Variants in CNTN5 observed in about 807,000 individuals in gnomAD.
CNTN5 encodes contactin-5.
Under a neutral mutation model 129.1 loss-of-function variants are expected in CNTN5, and 77 were observed. The ratio of observed to expected loss-of-function variants is 0.60; its 90% confidence interval spans 0.50 to 0.72. CNTN5 has a LOEUF of 0.72. Ranked by LOEUF, CNTN5 falls within the 30% of genes least tolerant of loss-of-function variation. The probability of loss-of-function intolerance (pLI) is 0.00; values close to 1 mark genes in which losing one functional copy is unlikely to be tolerated. For synonymous variants in CNTN5, 509 were observed against 465.6 expected (o/e 1.09, Z -1.20); for missense variants, 1,478 against 1,328.8 (o/e 1.11, Z -1.75).
chr11:99,308,385 C>A (rs892786844), intron 1 of CNTN5, among the ~76,000 whole-genome samples: 1 of 152,104 alleles, frequency 6.6e-6, no homozygotes, highest in African/African-American at 2.4e-5. Context: ...GAAGGGCTAA[C>A]TTTGCTATGG....
intron 3 of CNTN5, among the ~76,000 whole-genome samples, chr11:99,725,591 G>C (rs1943310282): frequency 6.6e-6 from 1 of 152,132 alleles, no homozygotes; most frequent in Non-Finnish European, 1.5e-5. Flanking sequence ...GAAGAATGAA[G>C]AAAGGAATAT....
chr11:100,080,428 C>T (rs866206589), intron 13 of CNTN5, among the ~76,000 whole-genome samples: 4 of 152,164 alleles, frequency 2.6e-5, no homozygotes, highest in South Asian at 2.1e-4. Flanking sequence ...TAGAAAATTG[C>T]ACTAGAAATA....
chr11:99,949,677 T>A (rs1950629871), intron 7 of CNTN5, among the ~76,000 whole-genome samples: 1 of 152,142 alleles, frequency 6.6e-6, no homozygotes, highest in Non-Finnish European at 1.5e-5. Context: ...TTGAAAAGGG[T>A]TAGCAATGAC....
intron 8 of CNTN5, among the ~76,000 whole-genome samples, chr11:99,976,321 A>G (rs1380014916): frequency 2.6e-5 from 4 of 152,190 alleles, no homozygotes; most frequent in Non-Finnish European, 5.9e-5. Context: ...TGGTGGATCT[A>G]GCATTCTGGG....
In CNTN5 at chr11:100,309,232, T is replaced by C. The variant is rs1321246091; in HGVS notation, c.2730+764T>C. 7 of 984,812 alleles carry C rather than the reference T, an allele frequency of 7.1e-6. No individual in the cohort carries two copies. The East Asian group carries it at 8.0e-4, about 112-fold the overall frequency. The allele number at this position is 984,812 out of a possible 1,614,324, so 61.0% of individuals were successfully genotyped here. On this transcript the variant is annotated intron_variant, in intron 21 of 24. Transcript: ENST00000524871. Reference sequence around the variant, plus strand: ...ATTTAAAAAAATTTATTCTTACTTTTCCTCTGCTTCAGTTCCCATTAAGAG... The same window carrying C: ...ATTTAAAAAAATTTATTCTTACTTTCCCTCTGCTTCAGTTCCCATTAAGAG...
At chr11:99,700,687 A>G (rs1954480054) in intron 3 of CNTN5, among the ~76,000 whole-genome samples, 1 of 151,388 alleles carries the variant, frequency 6.6e-6, no homozygotes, top group Non-Finnish European at 1.5e-5. Context: ...AAGAAATACA[A>G]TGAGAAAGAA....
At chr11:99,902,527 G>C (rs963015381) in intron 6 of CNTN5, among the ~76,000 whole-genome samples, 6 of 152,080 alleles carry the variant, frequency 3.9e-5, no homozygotes, top group Non-Finnish European at 8.8e-5. Flanking sequence ...GTCCTACACA[G>C]TTTCTGGAAC....
chr11:100,350,489 T>C (rs1463558603), intron 23 of CNTN5, among the ~76,000 whole-genome samples: 1 of 151,722 alleles, frequency 6.6e-6, no homozygotes, highest in Non-Finnish European at 1.5e-5. Flanking sequence ...AGTCCTTCAC[T>C]AAACCCCTAG....
chr11:99,330,257 G>A (rs1865947435), intron 2 of CNTN5, among the ~76,000 whole-genome samples: 1 of 148,018 alleles, frequency 6.8e-6, no homozygotes, highest in Non-Finnish European at 1.5e-5. Flanking sequence ...GGGAGGGAAG[G>A]AGAGAGACAG....
chr11:99,543,476 A>G (rs977092426), intron 2 of CNTN5, among the ~76,000 whole-genome samples: 6 of 152,228 alleles, frequency 3.9e-5, no homozygotes, highest in African/African-American at 1.4e-4. Context: ...CAGTTAGGCC[A>G]TAACTCTGCT....
intron 2 of CNTN5, among the ~76,000 whole-genome samples, chr11:99,551,419 C>A (rs902241075): frequency 2.6e-5 from 4 of 152,088 alleles, no homozygotes; most frequent in Non-Finnish European, 4.4e-5. Flanking sequence ...CGTGATGGAG[C>A]TTAAGGGTTA....
At chr11:100,090,179 A>C (rs1944702717) in intron 13 of CNTN5, among the ~76,000 whole-genome samples, 2 of 152,142 alleles carry the variant, frequency 1.3e-5, no homozygotes, top group Non-Finnish European at 2.9e-5. Flanking sequence ...TCAAGAAATT[A>C]GGCATTGAAA....
chr11:99,179,601 C>T (rs1565381098), intron 1 of CNTN5, among the ~76,000 whole-genome samples: 1 of 152,132 alleles, frequency 6.6e-6, no homozygotes, highest in Admixed American at 6.5e-5. Context: ...CAGGATGATG[C>T]CATATGATCC....
intron 1 of CNTN5, among the ~76,000 whole-genome samples, chr11:99,250,422 T>C (rs191803595): frequency 2.5e-3 from 375 of 152,104 alleles, no homozygotes; most frequent in Non-Finnish European, 3.9e-3. Flanking sequence ...TGCTTTGGTG[T>C]AATAAATTGT....
intron 1 of CNTN5, among the ~76,000 whole-genome samples, chr11:99,147,902 A>T (rs1859864305): frequency 6.6e-6 from 1 of 152,084 alleles, no homozygotes; most frequent in African/African-American, 2.4e-5. Flanking sequence ...ATTCAATGAC[A>T]GATGCTAACG....
At chr11:99,195,095 A>G (rs1858833183) in intron 1 of CNTN5, among the ~76,000 whole-genome samples, 1 of 152,226 alleles carries the variant, frequency 6.6e-6, no homozygotes, top group South Asian at 2.1e-4. Flanking sequence ...AATGGTAAAT[A>G]AGTCCTCAAT....
At chr11:99,034,652 TTC>T (rs796498914) in intron 1 of CNTN5, among the ~76,000 whole-genome samples, 5,798 of 151,280 alleles carry the variant, frequency 0.038, 368 homozygotes, top group East Asian at 0.22. Flanking sequence ...TATTTGATTC[TTC>T]TCTCTTTTTT....
At chr11:99,167,982 C>A (rs2135531664) in intron 1 of CNTN5, among the ~76,000 whole-genome samples, 2 of 151,648 alleles carry the variant, frequency 1.3e-5, no homozygotes, top group South Asian at 4.2e-4. Flanking sequence ...GTTCCCCAGG[C>A]TGGAGTGCAG....
At chr11:99,682,792 A>G (rs551911628) in intron 3 of CNTN5, among the ~76,000 whole-genome samples, 1 of 152,086 alleles carries the variant, frequency 6.6e-6, no homozygotes, top group African/African-American at 2.4e-5. Flanking sequence ...CAACAAACCT[A>G]ATATGAGAGG....
Sources: gnomAD v4.1 joint callset for allele counts (sites outside exome capture counted in the v4.1 genomes callset) on GRCh38, gnomAD v4.1.1 for gene constraint, MANE v1.5 for transcripts, NCBI Gene and HGNC (gene_info 2026-07-23, HGNC 2026-07-21) for gene names.